Variants in SLC7A1 observed in about 807,000 individuals in gnomAD.
The protein encoded by SLC7A1 is solute carrier family 7 member 1.
Under a neutral mutation model 53.9 loss-of-function variants are expected in SLC7A1, and 10 were observed. That is an observed-to-expected ratio of 0.19 (90% CI 0.11 to 0.31). The LOEUF (loss-of-function observed/expected upper bound fraction) is 0.31, where lower values mean the gene tolerates loss of function less well. Ranked by LOEUF, SLC7A1 falls within the 10% of genes least tolerant of loss-of-function variation. The probability of loss-of-function intolerance (pLI) is 1.00; values close to 1 mark genes in which losing one functional copy is unlikely to be tolerated. For missense variants in SLC7A1, 525 were observed against 827.2 expected (o/e 0.63, Z 4.48); for synonymous variants, 342 against 338.7 (o/e 1.01, Z -0.11).
chr13:29,575,016 A>G (rs1019625298), intron 1 of SLC7A1, among the ~76,000 whole-genome samples: 1 of 152,164 alleles, frequency 6.6e-6, no homozygotes, highest in African/African-American at 2.4e-5. Context: ...AATCACAAGT[A>G]TCTGTCCTGG....
intron 2 of SLC7A1, among the ~76,000 whole-genome samples, chr13:29,551,180 G>A (rs1028598884): frequency 2.0e-5 from 3 of 152,200 alleles, no homozygotes; most frequent in Non-Finnish European, 4.4e-5. Context: ...AGAGTGCACA[G>A]TCTGGAAAGA....
rs1400174251 is a variant in SLC7A1 at position 29,595,608 on chromosome 13, C to G, written c.-307G>C. On this transcript the variant is annotated 5_prime_UTR_variant, in exon 1 of 13. Coordinates refer to ENST00000380752, the MANE Select transcript of SLC7A1 (RefSeq NM_003045.5). ...GCGTGCGCGCCTGCCAGGTAGTTGACCCGCTGCTCACACCTGCCTGCGCGG... is the reference window on the plus strand; with the variant it reads ...GCGTGCGCGCCTGCCAGGTAGTTGAGCCGCTGCTCACACCTGCCTGCGCGG... The G allele has an allele frequency of 1.3e-5, 2 of 151,358 alleles. No homozygotes were observed. The highest frequency in any genetic ancestry group is 2.9e-5 in the Non-Finnish European group (2 of 67,964). 9.4% of individuals were successfully genotyped at this position (151,358 alleles called of 1,614,324 possible). A position where few individuals can be genotyped will look rare whatever the true frequency, so the allele number is the denominator to read the frequency against.
chr13:29,532,873 C>T lies in SLC7A1; in HGVS notation c.480G>A (p.Leu160=), dbSNP rs148473504. 1.9e-3 allele frequency: 3,107 copies of T among 1,614,052 alleles called. 57 individuals are homozygous for T. In the African/African-American group the frequency reaches 0.038, roughly 20 times the overall value. ...CTGCGAATATGTCGGGGTTTTCAGC[C>T]AGCACGCCGGGGGCGTTCAGAGTCA... The part of the protein sequence containing the change: ...THMTLNAPGV[L]AENPDIFAVI... The change falls in exon 4 of 13, where the codon CTG becomes CTA. Residue 160 remains leucine, a synonymous_variant. Transcript: ENST00000380752.
intron 3 of SLC7A1, among the ~76,000 whole-genome samples, chr13:29,533,241 T>C (rs1869256080): frequency 6.6e-6 from 1 of 151,240 alleles, no homozygotes; most frequent in South Asian, 2.1e-4. Context: ...ATCAAATATA[T>C]ATATCCGAAT....
chr13:29,535,752 A>G, intron 3 of SLC7A1, 67 bp downstream of exon 3: 1 of 1,534,644 alleles, frequency 6.5e-7, no homozygotes, highest in Non-Finnish European at 8.9e-7. Flanking sequence ...GCATCCACCC[A>G]CACTTTGGAG....
At position 29,511,242 on chromosome 13, in the gene SLC7A1, CGTATT is replaced by C. The variant is rs1235968595; in HGVS notation, c.*3233_*3237del. On this transcript the variant is annotated 3_prime_UTR_variant, in exon 13 of 13. Coordinates refer to ENST00000380752, the MANE Select transcript of SLC7A1 (RefSeq NM_003045.5). Reference sequence around the variant, plus strand: ...ACCATCCTGCGGTCACCCCTGGACTCGTATTGGATCCTGGCCACTGTGCTAGAGTC... The same window carrying C: ...ACCATCCTGCGGTCACCCCTGGACTCGGATCCTGGCCACTGTGCTAGAGTC... The C allele has an allele frequency of 6.6e-6, 1 of 152,400 alleles. No homozygotes were observed. The highest frequency in any genetic ancestry group is 2.4e-5 in the African/African-American group (1 of 41,568). 9.4% of individuals were successfully genotyped at this position (152,400 alleles called of 1,614,324 possible).
At chr13:29,573,477 C>T (rs955665731) in intron 1 of SLC7A1, among the ~76,000 whole-genome samples, 1 of 152,158 alleles carries the variant, frequency 6.6e-6, no homozygotes, top group Admixed American at 6.6e-5. Flanking sequence ...AGTCCAAAGG[C>T]AGACGGACTT....
At chr13:29,587,011 G>A (rs940962641) in intron 1 of SLC7A1, among the ~76,000 whole-genome samples, 2 of 152,212 alleles carry the variant, frequency 1.3e-5, no homozygotes, top group African/African-American at 2.4e-5. Context: ...GAGTCTGGGC[G>A]GCTGCCCACC....
At chr13:29,559,961 C>T (rs1401301043) in intron 1 of SLC7A1, among the ~76,000 whole-genome samples, 5 of 152,064 alleles carry the variant, frequency 3.3e-5, no homozygotes, top group African/African-American at 7.2e-5. Flanking sequence ...GTGATCCGCC[C>T]GCCTCGGCCT....
intron 1 of SLC7A1, among the ~76,000 whole-genome samples, chr13:29,584,176 C>T (rs1346196531): frequency 6.6e-6 from 1 of 151,152 alleles, no homozygotes; most frequent in Admixed American, 6.6e-5. Flanking sequence ...TGCAATGGCA[C>T]GATCTCGTCT....
intron 2 of SLC7A1, among the ~76,000 whole-genome samples, chr13:29,546,794 C>T (rs1869940272): frequency 6.6e-6 from 1 of 152,156 alleles, no homozygotes. Flanking sequence ...CAATGGGGCA[C>T]AGCCCAGGAA....
chr13:29,517,224 C>A lies in SLC7A1; in HGVS notation c.1597G>T (p.Ala533Ser), dbSNP rs556791576. Residue 533 changes from alanine to serine, a missense_variant, in exon 11 of 13, where the codon GCA becomes TCA. By Grantham distance (99) the Ala-to-Ser change is moderately conservative. Coordinates refer to ENST00000380752, the MANE Select transcript of SLC7A1 (RefSeq NM_003045.5). The stretch of plus-strand genomic sequence containing the variant: ...ACGGCACAGAGGAGGGCAGACCCTG[C>A]GAGCAGAAAGACTGCCCACAGCGCC... ...KGALWAVFLL[A>S]GSALLCAVVT... 10 of 1,613,058 alleles carry A rather than the reference C, an allele frequency of 6.2e-6. No individual in the cohort carries two copies. The highest frequency in any genetic ancestry group is 8.5e-6 in the Non-Finnish European group (10 of 1,179,630).
rs553322100 is a variant in SLC7A1, at chr13:29,534,776, G to GT, written c.370+1042dup. 2.8e-3 allele frequency among the ~76,000 whole-genome samples: 412 copies of GT among 146,214 alleles called. 1 individual carries two copies. Among genetic ancestry groups the GT allele is most frequent in the African/African-American group, 9.6e-3 (377 of 39,410 alleles). On this transcript the variant is annotated intron_variant, in intron 3 of 12. Coordinates refer to ENST00000380752, the MANE Select transcript of SLC7A1 (RefSeq NM_003045.5). ...ATGGCTCAACTTAACAGGTCTTACT[G>GT]TTTTTTCGCTATTACCAAAAAGTTT...
chr13:29,594,801 C>G (rs1438598514), intron 1 of SLC7A1, among the ~76,000 whole-genome samples: 1 of 152,166 alleles, frequency 6.6e-6, no homozygotes, highest in Non-Finnish European at 1.5e-5. Flanking sequence ...GTTCTAGGGA[C>G]AAGCGGAGAG....
chr13:29,548,863 G>A (rs1870046074), intron 2 of SLC7A1, among the ~76,000 whole-genome samples: 1 of 152,200 alleles, frequency 6.6e-6, no homozygotes, highest in Admixed American at 6.5e-5. Context: ...TATCTACGCA[G>A]TTCATGTCAT....
intron 1 of SLC7A1, among the ~76,000 whole-genome samples, chr13:29,569,752 T>C (rs1429306538): frequency 1.3e-5 from 2 of 152,176 alleles, no homozygotes; most frequent in African/African-American, 4.8e-5. Flanking sequence ...GCAGACACTG[T>C]GCTAGGTCTT....
intron 1 of SLC7A1, among the ~76,000 whole-genome samples, chr13:29,580,341 G>C (rs1273865563): frequency 6.6e-6 from 1 of 152,166 alleles, no homozygotes; most frequent in Non-Finnish European, 1.5e-5. Context: ...GGTACTTCAA[G>C]CTCTGTTAAG....
At chr13:29,543,452 T>C (rs532793799) in intron 2 of SLC7A1, among the ~76,000 whole-genome samples, 51 of 152,248 alleles carry the variant, frequency 3.3e-4, no homozygotes, top group African/African-American at 1.1e-3. Flanking sequence ...GACTTCACAA[T>C]CAGAAAGCCT....
intron 2 of SLC7A1, among the ~76,000 whole-genome samples, 192 bp from the exon 3 acceptor site, chr13:29,536,394 C>A (rs1430244681): frequency 1.3e-5 from 2 of 152,234 alleles, no homozygotes; most frequent in African/African-American, 4.8e-5. Flanking sequence ...CCAGCACATA[C>A]AGAATTAACC....
Sources: gnomAD v4.1 joint callset for allele counts (sites outside exome capture counted in the v4.1 genomes callset) on GRCh38, gnomAD v4.1.1 for gene constraint, MANE v1.5 for transcripts, NCBI Gene and HGNC (gene_info 2026-07-23, HGNC 2026-07-21) for gene names.